Variants in GPR137 observed in about 807,000 individuals in gnomAD.
The protein encoded by GPR137 is G protein-coupled receptor 137.
Under a neutral mutation model 38.9 loss-of-function variants are expected in GPR137, and 20 were observed. The observed-to-expected ratio is 0.51, with a 90% CI of 0.36 to 0.75. GPR137 has a LOEUF of 0.75. Among genes scored for constraint, GPR137 ranks in the 30% least tolerant of loss-of-function variants. The pLI is 0.00. For synonymous variants in GPR137, 226 were observed against 235.8 expected (o/e 0.96, Z 0.38); for missense variants, 456 against 526.4 (o/e 0.87, Z 1.31).
chr11:64,285,580 G>A (rs868365874), upstream of GPR137: 180 of 984,070 alleles, frequency 1.8e-4, no homozygotes, highest in African/African-American at 2.9e-3. Flanking sequence ...GGAGAGAGGA[G>A]CGTGGGAACT....
At chr11:64,286,931 G>A in intron 1 of GPR137, 34 bp from the exon 2 acceptor site, 1 of 1,613,750 alleles carries the variant, frequency 6.2e-7, no homozygotes, top group Non-Finnish European at 8.5e-7. Context: ...AAGCCTCAAG[G>A]ACCCACAGGA....
At chr11:64,279,117 C>G (rs886405383) in intron 2 of GPR137, among the ~76,000 whole-genome samples, 5 of 152,124 alleles carry the variant, frequency 3.3e-5, no homozygotes, top group African/African-American at 1.2e-4. Flanking sequence ...CTTTCTGTAC[C>G]TTGCTACTCC....
At position 64,278,201 on chromosome 11, in the gene GPR137, G is replaced by A. The variant is rs1475330234; in HGVS notation, c.-16+1780G>A. ...CCCAGCTACTTAGGAAGCTGAGGTG[G>A]GAGGATGGCTGGAGCCCAGAAATTT... is the stretch of plus-strand genomic sequence containing the variant. On this transcript the variant is annotated intron_variant, in intron 2 of 2. Transcript: ENST00000538244. Among the ~76,000 whole-genome samples the A allele has an allele frequency of 3.9e-5, 6 of 152,106 alleles. No individual in the cohort carries two copies. In the South Asian group the frequency reaches 8.3e-4, roughly 21 times the overall value.
chr11:64,288,065 G>A lies in GPR137; in HGVS notation c.634G>A (p.Gly212Arg), dbSNP rs1353766084. The A allele has an allele frequency of 8.7e-6, 14 of 1,610,012 alleles. No homozygotes were observed. Among genetic ancestry groups the A allele is most frequent in the Non-Finnish European group, 1.1e-5 (13 of 1,179,966 alleles). The change falls in exon 4 of 7, where the codon GGG becomes AGG. Residue 212 changes from glycine to arginine, a missense_variant and splice_region_variant. Transcript: ENST00000438980. This position sits in a 1 kb window ranked among gnomAD's most constrained non-coding sequence, Gnocchi z 5.5. ...GGTCCTCTGTTGTTACCTGTGCCAG[G>A]GGACCAGTGTGTGCCAGGCGGCCGC... ...PSTSIYLEAK[G>R]TSVCQAAAMG...
In GPR137 at chr11:64,287,898, C is replaced by T; in HGVS notation, c.585C>T (p.Cys195=). Reference sequence around the variant, plus strand: ...CGCTGTCTCTTGCTGCCTGCCTCTGCCTCGTCGCCAGGCGGGCGCCCTCCA... The same window carrying T: ...CGCTGTCTCTTGCTGCCTGCCTCTGTCTCGTCGCCAGGCGGGCGCCCTCCA... ...ICALSLAACL[C]LVARRAPSTS... Residue 195 remains cysteine (C), a synonymous_variant, in exon 3 of 7, where the codon TGC becomes TGT. Coordinates refer to ENST00000438980, the MANE Select transcript of GPR137 (RefSeq NM_001170880.2). The T allele has an allele frequency of 6.2e-7, 1 of 1,602,972 alleles. No individual in the cohort carries two copies.
exon 1 of GPR137, chr11:64,270,650 C>T (rs2032436595): frequency 1.6e-6 from 1 of 606,884 alleles, no homozygotes; most frequent in Non-Finnish European, 3.1e-6. Context: ...AATCAAAGGG[C>T]CGGGAGCGAT....
chr11:64,277,970 A>C (rs943064004), intron 2 of GPR137, among the ~76,000 whole-genome samples: 2 of 152,120 alleles, frequency 1.3e-5, no homozygotes, highest in Admixed American at 1.3e-4. Context: ...TACAAAATAT[A>C]GTTCTTTGGA....
upstream of GPR137, among the ~76,000 whole-genome samples, chr11:64,282,689 CT>C (rs1166119063): frequency 1.3e-5 from 2 of 151,908 alleles, no homozygotes; most frequent in East Asian, 3.9e-4. Flanking sequence ...ACCACCCTGG[CT>C]AACACGGTGA....
rs144465547 is a variant in GPR137 at position 64,287,859 on chromosome 11, G to A, written c.546G>A (p.Leu182=). 1.2e-6 allele frequency: 2 copies of A among 1,605,076 alleles called. No homozygotes were observed. Among genetic ancestry groups the A allele is most frequent in the Non-Finnish European group, 1.7e-6 (2 of 1,179,946 alleles). ...TCCGCGTCCTGGTGAGCGACTCCCT[G>A]TTCGTCATCTGCGCGCTGTCTCTTG... ...LLVRVLVSDS[L]FVICALSLAA... is the part of the protein sequence containing the mutation. The change falls in exon 3 of 7, where the codon CTG becomes CTA. Residue 182 remains leucine (L), a synonymous_variant. Transcript: ENST00000438980.
At chr11:64,284,262 T>C (rs2033687819), upstream of GPR137, 1 of 1,611,436 alleles carries the variant, frequency 6.2e-7, no homozygotes, top group East Asian at 2.2e-5. Flanking sequence ...GCGATGATGC[T>C]TGCCGGAGCC....
upstream of GPR137, chr11:64,284,800 G>GC (rs763067502): frequency 4.8e-5 from 68 of 1,425,038 alleles, no homozygotes; most frequent in East Asian, 1.8e-4. Flanking sequence ...GCCCGGCCCC[G>GC]CCCCCCCGCC....
Position 64,288,326 on chromosome 11 carries a change from C to T in GPR137, c.784-14C>T, listed in dbSNP as rs375188669. On this transcript the variant is annotated splice_polypyrimidine_tract_variant and intron_variant, in intron 4 of 6. Coordinates refer to ENST00000438980, the MANE Select transcript of GPR137 (RefSeq NM_001170880.2). The surrounding 1 kb of genome is among the most constrained non-coding windows in gnomAD (Gnocchi z 5.5). ...CGTGACTGCAGACTGGCACCAGCCC[C>T]TGCCTTCCCACAGGCGGACCTGGTG... The T allele has an allele frequency of 3.1e-6, 5 of 1,613,558 alleles. No individual in the cohort carries two copies. Among genetic ancestry groups the T allele is most frequent in the South Asian group, 1.1e-5 (1 of 91,086 alleles).
Position 64,289,306 on chromosome 11 carries a change from C to G in GPR137, c.*110C>G, listed in dbSNP as rs769324867. 1 of 1,612,780 alleles carries G rather than the reference C, an allele frequency of 6.2e-7. No individual in the cohort carries two copies. The highest frequency in any genetic ancestry group is 8.5e-7 in the Non-Finnish European group (1 of 1,179,594). On this transcript the variant is annotated 3_prime_UTR_variant, in exon 7 of 7. Transcript: ENST00000438980. ...CCAGGATCCTGGGGGTCGTGGCTAC[C>G]CCCTCCTCTGGCCGGCTCCTTGCTG...
upstream of GPR137, chr11:64,284,162 G>A (rs2033675774): frequency 6.4e-7 from 1 of 1,554,724 alleles, no homozygotes. Flanking sequence ...CCCGGCAGGT[G>A]GAGGTGGTGG....
At chr11:64,271,060 GACAC>G (rs1227014220), upstream of GPR137, among the ~76,000 whole-genome samples, 1 of 848 alleles carries the variant, frequency 1.2e-3, no homozygotes, top group African/African-American at 1.7e-3. Flanking sequence ...CCCTGTGACT[GACAC>G]ACACACACAC....
Position 64,276,628 on chromosome 11 carries a change from T to C in GPR137, c.-16+207T>C, listed in dbSNP as rs2033087406. The C allele has an allele frequency of 8.2e-6, 3 of 366,284 alleles. No homozygotes were observed. The South Asian group carries it at 1.1e-4, about 14-fold the overall frequency. The allele number at this position is 366,284 out of a possible 1,614,324, so 22.7% of individuals were successfully genotyped here. A position where few individuals can be genotyped will look rare whatever the true frequency, so the allele number is the denominator to read the frequency against. ...AGGCGTGAGCCACGGTGCCCAGCCC[T>C]AAATTGAATTTTTAAAAAGTGTTCT... On this transcript the variant is annotated intron_variant, in intron 2 of 2. Coordinates refer to the GPR137 transcript ENST00000538244.
At position 64,289,449 on chromosome 11, in the gene GPR137, A is replaced by C. The variant is rs1008243697; in HGVS notation, c.*253A>C. On this transcript the variant is annotated 3_prime_UTR_variant, in exon 7 of 7. Coordinates refer to ENST00000438980, the MANE Select transcript of GPR137 (RefSeq NM_001170880.2). Reference sequence around the variant, plus strand: ...CTCTGCTTCCACACCGGAGCCAGCTACCTCTCCTGTGCCTGCCACTCAATA... The same window carrying C: ...CTCTGCTTCCACACCGGAGCCAGCTCCCTCTCCTGTGCCTGCCACTCAATA... The C allele has an allele frequency of 2.0e-5, 30 of 1,499,354 alleles. No homozygotes were observed. The highest frequency in any genetic ancestry group is 9.3e-5 in the East Asian group (4 of 42,910). 92.9% of individuals were successfully genotyped at this position (1,499,354 alleles called of 1,614,324 possible).
In GPR137 at chr11:64,288,708, G is replaced by A. The variant is rs756798210; in HGVS notation, c.1018G>A (p.Gly340Ser). 2 of 1,565,104 alleles carry A rather than the reference G, an allele frequency of 1.3e-6. No homozygotes were observed. The highest frequency in any genetic ancestry group is 1.7e-6 in the Non-Finnish European group (2 of 1,153,920). Reference sequence around the variant, plus strand: ...GGGCTGCTCCTGGGAGCACAGCCGGGGTGAGAGCACCAGGTAGGAGCCGTG... The same window carrying A: ...GGGCTGCTCCTGGGAGCACAGCCGGAGTGAGAGCACCAGGTAGGAGCCGTG... ...DEGCSWEHSR[G>S]ESTSMSGSLG... The change falls in exon 6 of 7, where the codon GGT (glycine) becomes AGT (serine). Residue 340 changes from glycine to serine, a missense_variant. Coordinates refer to ENST00000438980, the MANE Select transcript of GPR137 (RefSeq NM_001170880.2). This position sits in a 1 kb window ranked among gnomAD's most constrained non-coding sequence, Gnocchi z 5.5.
chr11:64,280,636 C>T (rs1229921826), upstream of GPR137, among the ~76,000 whole-genome samples: 1 of 149,794 alleles, frequency 6.7e-6, no homozygotes, highest in East Asian at 2.0e-4. Context: ...CAGGCGTGAG[C>T]CACCGCGCCT....
Sources: allele counts gnomAD v4.1 joint callset (sites outside exome capture counted in the v4.1 genomes callset), GRCh38; gene constraint gnomAD v4.1.1; non-coding constraint Gnocchi (gnomAD v3.1); transcripts MANE v1.5; gene names NCBI Gene and HGNC (gene_info 2026-07-23, HGNC 2026-07-21).